Variants in MYO5C observed in about 807,000 individuals in gnomAD.
MYO5C encodes myosin VC, also known as unconventional myosin-Vc.
Under a neutral mutation model 235.7 loss-of-function variants are expected in MYO5C, and 194 were observed. The observed-to-expected ratio is 0.82, with a 90% confidence interval of 0.73 to 0.93. The LOEUF is 0.93. MYO5C is among the 40% of genes least tolerant of loss of function. The pLI is 0.00. For synonymous variants in MYO5C, 707 were observed against 754.8 expected (o/e 0.94, Z 1.04); for missense variants, 2,038 against 2,127.2 (o/e 0.96, Z 0.82).
chr15:52,229,540 C>T (rs556267085), intron 24 of MYO5C, among the ~76,000 whole-genome samples: 1 of 152,278 alleles, frequency 6.6e-6, no homozygotes, highest in East Asian at 1.9e-4. Context: ...GGATGAATCG[C>T]TTGAGCCCAG....
chr15:52,242,424 C>A (rs750852972), intron 19 of MYO5C: 10 of 538,442 alleles, frequency 1.9e-5, no homozygotes, highest in Non-Finnish European at 3.3e-5. Context: ...AACTTTCACT[C>A]TTTTCATTCA....
intron 21 of MYO5C, among the ~76,000 whole-genome samples, chr15:52,239,185 A>T (rs1011360407): frequency 6.6e-6 from 1 of 151,762 alleles, no homozygotes; most frequent in African/African-American, 2.4e-5. Flanking sequence ...TCCCAACCTC[A>T]GGTGATCCGC....
chr15:52,223,803 C>T, intron 28 of MYO5C, 79 bp from the exon 29 acceptor site: 1 of 1,336,598 alleles, frequency 7.5e-7, no homozygotes, highest in Non-Finnish European at 1.0e-6. Flanking sequence ...GTTATGAAGA[C>T]CCACAACAAG....
At chr15:52,275,494 G>A (rs2037023822) in intron 5 of MYO5C, 68 bp downstream of exon 5, 2 of 1,584,808 alleles carry the variant, frequency 1.3e-6, no homozygotes, top group East Asian at 4.5e-5. Flanking sequence ...TTAGCCAGGA[G>A]AGCACACAAA....
At chr15:52,242,971 C>G (rs901416776) in intron 19 of MYO5C, 12 of 152,198 alleles carry the variant, frequency 7.9e-5, no homozygotes, top group African/African-American at 2.9e-4. Context: ...GAAAATTAGA[C>G]GTCAATGAGG....
intron 13 of MYO5C, among the ~76,000 whole-genome samples, chr15:52,249,366 A>G (rs2036423597): frequency 6.6e-6 from 1 of 152,166 alleles, no homozygotes; most frequent in Non-Finnish European, 1.5e-5. Context: ...AAACCATGGC[A>G]TATCCAGGGT....
chr15:52,204,809 T>C (rs770070689), intron 38 of MYO5C, 56 bp downstream of exon 38: 9 of 1,582,896 alleles, frequency 5.7e-6, no homozygotes, highest in African/African-American at 1.3e-5. Context: ...GCCTCGGACT[T>C]CAAGAGCATC....
intron 31 of MYO5C, 147 bp downstream of exon 31, chr15:52,219,612 C>A: frequency 1.6e-6 from 1 of 637,240 alleles, no homozygotes; most frequent in Non-Finnish European, 2.8e-6. Flanking sequence ...ACACATATTT[C>A]TTTCCTTCCC....
chr15:52,198,574 CTTTTTGTTTGTT>C (rs1170926677), intron 38 of MYO5C, among the ~76,000 whole-genome samples: 3 of 151,806 alleles, frequency 2.0e-5, no homozygotes, highest in Admixed American at 6.6e-5. Flanking sequence ...GTTGTTGTTG[CTTTTTGTTTGTT>C]TTTTTGTTTG....
chr15:52,242,066 T>C lies in MYO5C; in HGVS notation c.2538A>G (p.Ala846=), dbSNP rs748047202. Residue 846 remains alanine (A), a synonymous_variant, in exon 20 of 41, where the codon GCA becomes GCG. Coordinates refer to ENST00000261839, the MANE Select transcript of MYO5C (RefSeq NM_018728.4). The part of the protein sequence containing the change: ...TMQAYSRGFL[A]RRRYRKMLEE... Reference sequence around the variant, plus strand: ...GCCTCACCTTTCGATACCTCCTCCTTGCCAGGAATCCTCGGCTGTAGGCCT... The same window carrying C: ...GCCTCACCTTTCGATACCTCCTCCTCGCCAGGAATCCTCGGCTGTAGGCCT... 2.5e-6 allele frequency: 4 copies of C among 1,612,526 alleles called. No homozygotes were observed. The highest frequency in any genetic ancestry group is 3.4e-6 in the Non-Finnish European group (4 of 1,179,280).
intron 6 of MYO5C, 69 bp downstream of exon 6, chr15:52,272,511 G>A (rs2036945903): frequency 6.8e-7 from 1 of 1,471,210 alleles, no homozygotes; most frequent in African/African-American, 1.4e-5. Flanking sequence ...GCTTGCCTGA[G>A]TATGTATAAT....
Position 52,253,334 on chromosome 15 carries a change from G to A in MYO5C, c.1519C>T (p.Leu507=). 1.2e-6 allele frequency: 2 copies of A among 1,607,994 alleles called. No individual in the cohort carries two copies. The highest frequency in any genetic ancestry group is 1.7e-6 in the Non-Finnish European group (2 of 1,178,102). ...IEAKMGILEL[L]DEECLLPHGT... ...AAAGTTACCAAACATTCTTCATCCA[G>A]TAACTCCAGAATTCCCATTTTTGCT... The change falls in exon 12 of 41, where the codon CTG becomes TTG. Residue 507 remains leucine, a synonymous_variant. Coordinates refer to ENST00000261839, the MANE Select transcript of MYO5C (RefSeq NM_018728.4).
Position 52,245,529 on chromosome 15 carries a change from C to T in MYO5C, c.2067-64G>A, listed in dbSNP as rs550320481. The T allele has an allele frequency of 1.5e-4, 166 of 1,120,102 alleles. 4 individuals are homozygous for T. In the South Asian group the frequency reaches 1.9e-3, roughly 13 times the overall value. The allele number at this position is 1,120,102 out of a possible 1,614,324, so 69.4% of individuals were successfully genotyped here. On this transcript the variant is annotated intron_variant, in intron 17 of 40. Coordinates refer to ENST00000261839, the MANE Select transcript of MYO5C (RefSeq NM_018728.4). ...GGAAGCACATTGTGTCTGGGGACTCCGCTGCCTTACCTGCCACTGTTGTCA... is the reference window on the plus strand; with the variant it reads ...GGAAGCACATTGTGTCTGGGGACTCTGCTGCCTTACCTGCCACTGTTGTCA...
At chr15:52,233,002 G>A (rs1231522230) in intron 23 of MYO5C, among the ~76,000 whole-genome samples, 2 of 13,704 alleles carry the variant, frequency 1.5e-4, no homozygotes, top group East Asian at 8.4e-4. Flanking sequence ...AATAGAGGCC[G>A]GGCGCGGTGG....
chr15:52,248,079 T>C (rs1388413285), intron 14 of MYO5C, among the ~76,000 whole-genome samples: 1 of 152,240 alleles, frequency 6.6e-6, no homozygotes, highest in East Asian at 1.9e-4. Flanking sequence ...TACTACCTTC[T>C]GCTTTGTATC....
At chr15:52,282,689 T>C in intron 2 of MYO5C, 93 bp downstream of exon 2, 6 of 860,292 alleles carry the variant, frequency 7.0e-6, no homozygotes, top group Non-Finnish European at 1.2e-5. Flanking sequence ...CTCCCCTGGG[T>C]GCCTCCCACG....
chr15:52,280,043 C>T (rs1343708389), intron 2 of MYO5C, among the ~76,000 whole-genome samples: 1 of 152,184 alleles, frequency 6.6e-6, no homozygotes, highest in Non-Finnish European at 1.5e-5. Context: ...CCCACCAGGG[C>T]TCTACCTATA....
Position 52,247,569 on chromosome 15 carries a change from A to G in MYO5C, c.1770T>C (p.Phe590=). The G allele has an allele frequency of 6.2e-7, 1 of 1,614,168 alleles. No homozygotes were observed. Residue 590 remains phenylalanine (F), a synonymous_variant, in exon 15 of 41, where the codon TTT becomes TTC. Coordinates refer to ENST00000261839, the MANE Select transcript of MYO5C (RefSeq NM_018728.4). ...ASKFHLCANF[F]QENPTPPSPF... ...GAGAAGGAGGAGTTGGATTTTCTTGAAAAAAGTTGGCACAGAGATGAAACT... is the reference window on the plus strand; with the variant it reads ...GAGAAGGAGGAGTTGGATTTTCTTGGAAAAAGTTGGCACAGAGATGAAACT...
Position 52,230,998 on chromosome 15 carries a change from T to C in MYO5C, c.3026+1624A>G, listed in dbSNP as rs1162638523. Among the ~76,000 whole-genome samples the C allele has an allele frequency of 2.6e-5, 4 of 151,674 alleles. No homozygotes were observed. In the East Asian group the frequency reaches 7.8e-4, roughly 30 times the overall value. On this transcript the variant is annotated intron_variant, in intron 24 of 40. Transcript: ENST00000261839. ...ATCTGCCACCACGCCCAGCCAATTT[T>C]TGTATTTTTAGTAGATACGGGGTTT...
Sources: allele counts gnomAD v4.1 joint callset (sites outside exome capture counted in the v4.1 genomes callset), GRCh38; gene constraint gnomAD v4.1.1; transcripts MANE v1.5; gene names NCBI Gene and HGNC (gene_info 2026-07-23, HGNC 2026-07-21).